Variants in AAK1 observed in about 807,000 individuals in gnomAD.
The protein encoded by AAK1 is AP2-associated protein kinase 1.
AAK1 carries 37 observed loss-of-function variants against 116.0 expected under a neutral mutation model. The observed-to-expected ratio is 0.32, with a 90% confidence interval of 0.25 to 0.42. The LOEUF (loss-of-function observed/expected upper bound fraction) is 0.42. Among genes scored for constraint, AAK1 ranks in the 10% least tolerant of loss-of-function variants. The probability of loss-of-function intolerance (pLI) is 1.00; values close to 1 mark genes in which losing one functional copy is unlikely to be tolerated. For missense variants in AAK1, 919 were observed against 1,170.6 expected (o/e 0.79, Z 3.14); for synonymous variants, 458 against 439.9 (o/e 1.04, Z -0.51).
intron 10 of AAK1, among the ~76,000 whole-genome samples, chr2:69,521,241 T>C (rs1056524050): frequency 6.6e-6 from 1 of 152,234 alleles, no homozygotes; most frequent in Non-Finnish European, 1.5e-5. Flanking sequence ...ACTTTTCATG[T>C]GCGAATATGC....
In AAK1 at chr2:69,469,274, A is replaced by AT. The variant is rs1674596653; in HGVS notation, c.*6594dup. 1 of 985,342 alleles carries AT rather than the reference A, an allele frequency of 1.0e-6. No individual in the cohort carries two copies. Among genetic ancestry groups the AT allele is most frequent in the Non-Finnish European group, 1.2e-6 (1 of 829,954 alleles). The allele number at this position is 985,342 out of a possible 1,614,324, so 61.0% of individuals were successfully genotyped here. On this transcript the variant is annotated 3_prime_UTR_variant, in exon 22 of 22. Coordinates refer to ENST00000409085, the MANE Select transcript of AAK1 (RefSeq NM_014911.5). The stretch of plus-strand genomic sequence containing the variant: ...ATATGGGGGAAGCCCAGACCTCCAC[A>AT]TTCCCTTAAGGAATTCTGGTGGTGG...
intron 2 of AAK1, among the ~76,000 whole-genome samples, chr2:69,589,572 G>C (rs1254839741): frequency 6.6e-6 from 1 of 152,028 alleles, no homozygotes; most frequent in African/African-American, 2.4e-5. Context: ...AGCCGGGCTT[G>C]ATGGCGCATG....
chr2:69,584,982 C>T (rs1033352365), intron 2 of AAK1, among the ~76,000 whole-genome samples: 4 of 152,172 alleles, frequency 2.6e-5, no homozygotes, highest in African/African-American at 9.7e-5. Flanking sequence ...GGTCTCATAC[C>T]CATCTCATAT....
At chr2:69,621,286 G>T (rs1674612222) in intron 2 of AAK1, among the ~76,000 whole-genome samples, 1 of 151,948 alleles carries the variant, frequency 6.6e-6, no homozygotes, top group Non-Finnish European at 1.5e-5. Context: ...GACCAGCTTC[G>T]CCAACATGGT....
At chr2:69,585,249 A>T (rs944882186) in intron 2 of AAK1, among the ~76,000 whole-genome samples, 3 of 152,130 alleles carry the variant, frequency 2.0e-5, no homozygotes, top group Non-Finnish European at 2.9e-5. Context: ...TTTTGTAGAG[A>T]TGGGGTCTCA....
intron 7 of AAK1, 87 bp downstream of exon 7, chr2:69,530,537 CA>C: frequency 1.8e-6 from 2 of 1,104,704 alleles, no homozygotes; most frequent in South Asian, 2.7e-5. Context: ...CAGTAGCCAC[CA>C]TGCTATAGCG....
At chr2:69,500,667 ATATATATAT>A (rs1675933084) in intron 16 of AAK1, among the ~76,000 whole-genome samples, 1 of 73,080 alleles carries the variant, frequency 1.4e-5, no homozygotes, top group African/African-American at 7.8e-5. Context: ...CCCTTAAAAT[ATATATATAT>A]ATATATATAT....
chr2:69,557,010 G>A (rs759902884), intron 2 of AAK1, 32 bp from the exon 3 acceptor site: 1 of 1,546,700 alleles, frequency 6.5e-7, no homozygotes, highest in Non-Finnish European at 8.9e-7. Context: ...GCTCTTTTGA[G>A]TCAATGTTCA....
rs545915571 is a variant in AAK1, at chr2:69,541,227, CTT to C, written c.534+1294_534+1295del. Among the ~76,000 whole-genome samples the C allele has an allele frequency of 9.6e-3, 1,208 of 125,212 alleles. 10 individuals are homozygous for C. Among genetic ancestry groups the C allele is most frequent in the African/African-American group, 0.033 (1,123 of 33,874 alleles). The allele number at this position is 125,212 out of a possible 152,430, so 82.1% of individuals were successfully genotyped here. A position where few individuals can be genotyped will look rare whatever the true frequency, so the allele number is the denominator to read the frequency against. On this transcript the variant is annotated intron_variant, in intron 5 of 21. Transcript: ENST00000409085. ...CTAGAAACTGCTGAATTTTATACTT[CTT>C]TTTTTTTTTTTTTTTTTTTGAGGCA...
intron 4 of AAK1, among the ~76,000 whole-genome samples, chr2:69,543,540 T>G (rs1670808901): frequency 6.6e-6 from 1 of 152,140 alleles, no homozygotes; most frequent in Non-Finnish European, 1.5e-5. Flanking sequence ...CCCGAGTAGC[T>G]GGGATTACAG....
At chr2:69,591,517 C>CTTTTTTTTTTT (rs200675453) in intron 2 of AAK1, among the ~76,000 whole-genome samples, 23 of 135,050 alleles carry the variant, frequency 1.7e-4, no homozygotes, top group African/African-American at 5.5e-4. Flanking sequence ...TTCTTTTTTT[C>CTTTTTTTTTTT]TTTTTCTTTT....
At position 69,619,944 on chromosome 2, in the gene AAK1, TAC is replaced by T. The variant is rs1329401633; in HGVS notation, c.163+22932_163+22933del. 1.8e-4 allele frequency among the ~76,000 whole-genome samples: 28 copies of T among 152,282 alleles called. No homozygotes were observed. The South Asian group carries it at 2.1e-3, about 11-fold the overall frequency. On this transcript the variant is annotated intron_variant, in intron 2 of 21. Transcript: ENST00000409085. The stretch of plus-strand genomic sequence containing the variant: ...GCACTTTCTAGGCCACAGCAGGATT[TAC>T]AGTTTTACTCTGAGATGGGGAATCA...
At chr2:69,545,206 A>G (rs914376027) in intron 3 of AAK1, among the ~76,000 whole-genome samples, 3 of 152,180 alleles carry the variant, frequency 2.0e-5, no homozygotes, top group African/African-American at 7.2e-5. Context: ...GAATTCATTC[A>G]TCCAACCAAC....
In AAK1 at chr2:69,467,396, C is replaced by G. The variant is rs931246630; in HGVS notation, c.*8473G>C. On this transcript the variant is annotated 3_prime_UTR_variant, in exon 22 of 22. Coordinates refer to ENST00000409085, the MANE Select transcript of AAK1 (RefSeq NM_014911.5). ...CTTTTAAAATCAAATAGACAATTAT[C>G]AGAATGCAAGAGAGCTTACCTTCCA... 3 of 985,232 alleles carry G rather than the reference C, an allele frequency of 3.0e-6. No individual in the cohort carries two copies. The highest frequency in any genetic ancestry group is 1.2e-4 in the Admixed American group (2 of 16,254). The allele number at this position is 985,232 out of a possible 1,614,324, so 61.0% of individuals were successfully genotyped here. A position where few individuals can be genotyped will look rare whatever the true frequency, so the allele number is the denominator to read the frequency against.
intron 12 of AAK1, among the ~76,000 whole-genome samples, chr2:69,516,099 A>C (rs1676568236): frequency 6.6e-6 from 1 of 152,226 alleles, no homozygotes; most frequent in Admixed American, 6.5e-5. Flanking sequence ...AAAATTTAAA[A>C]AGCAATAACT....
At chr2:69,541,226 TC>T (rs546226434) in intron 5 of AAK1, among the ~76,000 whole-genome samples, 3 of 145,726 alleles carry the variant, frequency 2.1e-5, no homozygotes, top group South Asian at 2.1e-4. Flanking sequence ...ATTTTATACT[TC>T]TTTTTTTTTT....
chr2:69,634,541 A>C (rs1675365156), intron 2 of AAK1, among the ~76,000 whole-genome samples: 1 of 152,238 alleles, frequency 6.6e-6, no homozygotes. Context: ...CAGAGAAGTA[A>C]TGGAAGACTC....
intron 12 of AAK1, 74 bp from the exon 13 acceptor site, chr2:69,514,823 CAA>C (rs1676520005): frequency 6.9e-7 from 1 of 1,452,436 alleles, no homozygotes; most frequent in Non-Finnish European, 9.1e-7. Context: ...GTCTCAAAAA[CAA>C]TGAAGACCAG....
chr2:69,607,770 A>G (rs955218863), intron 2 of AAK1, among the ~76,000 whole-genome samples: 2 of 152,192 alleles, frequency 1.3e-5, no homozygotes, highest in Non-Finnish European at 2.9e-5. Context: ...TGGATCATCC[A>G]GGGTGTGGGC....
Sources: allele counts gnomAD v4.1 joint callset (sites outside exome capture counted in the v4.1 genomes callset), GRCh38; gene constraint gnomAD v4.1.1; transcripts MANE v1.5; gene names NCBI Gene and HGNC (gene_info 2026-07-23, HGNC 2026-07-21).